The following MAP4 variants were observed in gnomAD, a reference collection of about 807,000 sequenced individuals.
MAP4 encodes microtubule-associated protein 4.
Under a neutral mutation model 170.2 loss-of-function variants are expected in MAP4, and 76 were observed. The observed-to-expected ratio is 0.45, with a 90% confidence interval of 0.37 to 0.54. MAP4 has a LOEUF of 0.54. Among genes scored for constraint, MAP4 ranks in the 20% least tolerant of loss-of-function variants. The pLI is 0.00. For synonymous variants in MAP4, 909 were observed against 994.5 expected, an observed-to-expected ratio of 0.91 and a Z score of 1.62; for missense variants, 2,506 against 2,748.0, an observed-to-expected ratio of 0.91 and a Z score of 1.97.
At chr3:47,967,208 T>C (rs987512377) in intron 3 of MAP4, among the ~76,000 whole-genome samples, 13 of 151,952 alleles carry the variant, frequency 8.6e-5, no homozygotes, top group African/African-American at 2.9e-4. Flanking sequence ...TGGTGGCACA[T>C]GCCTGTAATC....
chr3:47,877,364 TA>T, intron 11 of MAP4, 52 bp downstream of exon 11: 2 of 1,323,572 alleles, frequency 1.5e-6, no homozygotes, highest in South Asian at 2.4e-5. Context: ...CAGCAGAAGA[TA>T]CTCCGTTTAA....
intron 1 of MAP4, among the ~76,000 whole-genome samples, chr3:48,039,860 G>A (rs2100120731): frequency 6.6e-6 from 1 of 152,184 alleles, no homozygotes; most frequent in African/African-American, 2.4e-5. Flanking sequence ...TCTGAACATT[G>A]TTTGGCTCAA....
chr3:47,878,357 A>G (rs538741998), intron 10 of MAP4, among the ~76,000 whole-genome samples: 1 of 152,340 alleles, frequency 6.6e-6, no homozygotes, highest in East Asian at 1.9e-4. Flanking sequence ...CCCTCATACC[A>G]AAGACAAAGA....
At chr3:47,871,429 G>T in intron 13 of MAP4, 143 bp from the exon 14 acceptor site, 2 of 717,780 alleles carry the variant, frequency 2.8e-6, no homozygotes, top group South Asian at 1.7e-5. Context: ...GGAATGGAGT[G>T]GTAAATTAGA....
At chr3:48,008,167 C>T (rs966863122) in intron 1 of MAP4, among the ~76,000 whole-genome samples, 2 of 152,166 alleles carry the variant, frequency 1.3e-5, no homozygotes, top group Non-Finnish European at 2.9e-5. Flanking sequence ...TCAAGCACGT[C>T]CTGAAGGCAC....
chr3:48,003,892 G>A lies in MAP4; in HGVS notation c.-19-5013C>T, dbSNP rs954993215. Among the ~76,000 whole-genome samples the A allele has an allele frequency of 9.2e-5, 14 of 152,206 alleles. No individual in the cohort carries two copies. The Middle Eastern group carries it at 0.01, about 111-fold the overall frequency. ...GGCAGAAAAATATGAAGAGGCAAGA[G>A]GGGCCTAGCCTCCCAGTCTACATCT... On this transcript the variant is annotated intron_variant, in intron 1 of 20. Transcript: ENST00000683076.
At chr3:48,033,955 T>G (rs1430358924) in intron 1 of MAP4, among the ~76,000 whole-genome samples, 1 of 152,198 alleles carries the variant, frequency 6.6e-6, no homozygotes, top group African/African-American at 2.4e-5. Context: ...GCTACTCAAT[T>G]TTCAGTTAAT....
intron 1 of MAP4, among the ~76,000 whole-genome samples, chr3:48,046,059 G>A (rs1244938271): frequency 6.8e-6 from 1 of 146,292 alleles, no homozygotes; most frequent in Non-Finnish European, 1.5e-5. Context: ...AAGTTATTTC[G>A]GCTACATATC....
intron 1 of MAP4, among the ~76,000 whole-genome samples, chr3:48,048,596 C>A (rs999025246): frequency 1.4e-5 from 2 of 146,716 alleles, no homozygotes; most frequent in African/African-American, 2.6e-5. Context: ...AGGCTCACTG[C>A]ATCCTCAACC....
chr3:48,081,279 C>T (rs1423453325), intron 1 of MAP4, among the ~76,000 whole-genome samples: 1 of 151,726 alleles, frequency 6.6e-6, no homozygotes, highest in African/African-American at 2.4e-5. Context: ...AACAGCGAGA[C>T]TCCATCTCAA....
intron 2 of MAP4, among the ~76,000 whole-genome samples, chr3:47,980,253 G>A (rs1332269855): frequency 6.6e-6 from 1 of 152,100 alleles, no homozygotes; most frequent in Non-Finnish European, 1.5e-5. Flanking sequence ...TTTGGGGATT[G>A]ACTATATAGA....
At chr3:47,888,287 C>T (rs887370178) in intron 10 of MAP4, among the ~76,000 whole-genome samples, 1 of 152,174 alleles carries the variant, frequency 6.6e-6, no homozygotes, top group Non-Finnish European at 1.5e-5. Flanking sequence ...TGGTAACCCG[C>T]TCGGGTCCCC....
chr3:47,916,883 G>GGTTTAA lies in MAP4; in HGVS notation c.943_944insTTAAAC (p.Ala315delinsValLysPro). 4 of 1,614,210 alleles carry GGTTTAA rather than the reference G, an allele frequency of 2.5e-6. No homozygotes were observed. Among genetic ancestry groups the GGTTTAA allele is most frequent in the Non-Finnish European group, 3.4e-6 (4 of 1,180,046 alleles). ...GGGCCATCTGACATCCTTAACCAGG[G>GGTTTAA]CCACTTCTTTTTCTGTGGGTAGTTC... On this transcript the variant is annotated protein_altering_variant, in exon 7 of 21. Transcript: ENST00000683076.
At chr3:48,046,486 A>G (rs1384142965) in intron 1 of MAP4, among the ~76,000 whole-genome samples, 1 of 152,214 alleles carries the variant, frequency 6.6e-6, no homozygotes, top group Non-Finnish European at 1.5e-5. Context: ...TCACATCACA[A>G]AATCACAGAA....
chr3:47,999,981 G>A (rs150491017), intron 1 of MAP4, among the ~76,000 whole-genome samples: 6,687 of 151,792 alleles, frequency 0.044, 493 homozygotes, highest in African/African-American at 0.15. Flanking sequence ...TTGGGAGGCC[G>A]AGGCAGGAGG....
intron 10 of MAP4, among the ~76,000 whole-genome samples, chr3:47,888,251 T>G (rs1269855519): frequency 6.6e-6 from 1 of 152,130 alleles, no homozygotes; most frequent in Non-Finnish European, 1.5e-5. Flanking sequence ...GATAAGAGAA[T>G]AAAAGCAGGC....
intron 18 of MAP4, 38 bp downstream of exon 18, chr3:47,857,393 A>G: frequency 2.6e-6 from 4 of 1,563,868 alleles, no homozygotes; most frequent in Non-Finnish European, 3.5e-6. Context: ...AGGACGACAT[A>G]CCCTGGAGAC....
intron 1 of MAP4, among the ~76,000 whole-genome samples, chr3:48,022,844 T>C (rs534227608): frequency 1.6e-4 from 24 of 151,960 alleles, no homozygotes; most frequent in Admixed American, 1.4e-3. Context: ...TGAGCCAAGA[T>C]TGCGCCACGG....
chr3:47,910,044 A>T lies in MAP4; in HGVS notation c.4377T>A (p.Asp1459Glu). 6.2e-7 allele frequency: 1 copy of T among 1,614,026 alleles called. No individual in the cohort carries two copies. Among genetic ancestry groups the T allele is most frequent in the Non-Finnish European group, 8.5e-7 (1 of 1,179,892 alleles). ...QVVKEGDSFP[D>E]TLAKNGQEIA... The stretch of plus-strand genomic sequence containing the variant: ...TCTCTTGCCCATTTTTTGCCAAGGT[A>T]TCTGGAAAGGAATCACCTTCCTTTA... The change falls in exon 9 of 21, where the codon GAT becomes GAA. Residue 1459 changes from aspartate to glutamate, a missense_variant. By Grantham distance (45) the Asp-to-Glu change is conservative. Around this residue, in one of 3 missense-constraint regions of MAP4, gnomAD observed 2,008 missense variants for 2,206.0 expected, o/e 0.91. Coordinates refer to ENST00000683076, the MANE Select transcript of MAP4 (RefSeq NM_001385682.1).
Sources: allele counts gnomAD v4.1 joint callset (sites outside exome capture counted in the v4.1 genomes callset), GRCh38; gene constraint gnomAD v4.1.1; regional missense constraint gnomAD v4.1.1; transcripts MANE v1.5; gene names NCBI Gene and HGNC (gene_info 2026-07-23, HGNC 2026-07-21).